Variants in PPP1R9A observed in about 807,000 individuals in gnomAD.
The protein encoded by PPP1R9A is protein phosphatase 1 regulatory subunit 9A.
A neutral mutation model predicts 141.9 loss-of-function variants in PPP1R9A; 59 were observed. That is an observed-to-expected ratio of 0.42 (90% CI 0.34 to 0.52). PPP1R9A has a LOEUF of 0.52. PPP1R9A is among the 20% of genes least tolerant of loss of function. The pLI, the probability that PPP1R9A is intolerant of heterozygous loss-of-function variation, is 0.10. For synonymous variants in PPP1R9A, 500 were observed against 569.7 expected (o/e 0.88, Z 1.74); for missense variants, 1,444 against 1,611.9 (o/e 0.90, Z 1.78).
intron 2 of PPP1R9A, among the ~76,000 whole-genome samples, chr7:95,092,346 C>CTT (rs113520728): frequency 0.32 from 44,393 of 139,408 alleles, 8,082 homozygotes; most frequent in Non-Finnish European, 0.43. Context: ...ATACTACACG[C>CTT]TTTTTTTTTT....
chr7:95,259,181 G>A (rs1440627201), intron 12 of PPP1R9A, among the ~76,000 whole-genome samples: 1 of 151,954 alleles, frequency 6.6e-6, no homozygotes, highest in Non-Finnish European at 1.5e-5. Context: ...ATAAATTTAT[G>A]GAATAACTAG....
At chr7:95,045,804 G>A (rs574217443) in intron 2 of PPP1R9A, among the ~76,000 whole-genome samples, 1 of 152,044 alleles carries the variant, frequency 6.6e-6, no homozygotes, top group Non-Finnish European at 1.5e-5. Context: ...ATTTCTAGTA[G>A]GCGAGGGGAG....
In PPP1R9A at chr7:95,175,256, TTGGA is replaced by T. The variant is rs61519780; in HGVS notation, c.1754+13324_1754+13327del. ...TATCATAGTACGGATCAATAACTAG[TTGGA>T]TGGATGGATGGATGGATGGATGGAT... On this transcript the variant is annotated intron_variant, in intron 5 of 19. Coordinates refer to ENST00000433360, the MANE Select transcript of PPP1R9A (RefSeq NM_001166160.2). Among the ~76,000 whole-genome samples, 522 of 146,706 alleles carry T rather than the reference TTGGA, an allele frequency of 3.6e-3. 1 individual carries two copies. Among genetic ancestry groups the T allele is most frequent in the African/African-American group, 0.011 (458 of 39,858 alleles).
intron 18 of PPP1R9A, chr7:95,287,249 G>A (rs1311578116): frequency 1.5e-6 from 2 of 1,298,822 alleles, no homozygotes; most frequent in Non-Finnish European, 2.2e-6. Context: ...CCTCTGTAGT[G>A]AAGGGTTTCC....
At chr7:95,145,656 C>G (rs1827475717) in intron 4 of PPP1R9A, among the ~76,000 whole-genome samples, 1 of 152,156 alleles carries the variant, frequency 6.6e-6, no homozygotes, top group South Asian at 2.1e-4. Context: ...CACCTGTAAT[C>G]TCACTGCTGT....
chr7:95,006,288 G>C (rs1040191728), intron 2 of PPP1R9A, among the ~76,000 whole-genome samples: 1 of 151,662 alleles, frequency 6.6e-6, no homozygotes, highest in Non-Finnish European at 1.5e-5. Context: ...CACAATCTCC[G>C]CTCACTATAA....
At position 95,068,070 on chromosome 7, in the gene PPP1R9A, A is replaced by G. The variant is rs535989826; in HGVS notation, c.1396-43189A>G. 4.0e-5 allele frequency among the ~76,000 whole-genome samples: 6 copies of G among 151,500 alleles called. No homozygotes were observed. The East Asian group carries it at 1.2e-3, about 30-fold the overall frequency. On this transcript the variant is annotated intron_variant, in intron 2 of 19. Coordinates refer to ENST00000433360, the MANE Select transcript of PPP1R9A (RefSeq NM_001166160.2). ...GCTAAAGGAACAAAAACAAACAACC[A>G]AAAAAAAACTGGATATGTGGCCTAG... is the stretch of plus-strand genomic sequence containing the variant.
At chr7:94,924,161 G>A (rs1325327995) in intron 2 of PPP1R9A, among the ~76,000 whole-genome samples, 1 of 152,142 alleles carries the variant, frequency 6.6e-6, no homozygotes, top group Non-Finnish European at 1.5e-5. Context: ...ACTGGAAAAA[G>A]AAAATTGGAG....
At chr7:95,007,800 G>C (rs964128160) in intron 2 of PPP1R9A, among the ~76,000 whole-genome samples, 3 of 152,094 alleles carry the variant, frequency 2.0e-5, no homozygotes, top group African/African-American at 7.2e-5. Context: ...TGTCAGGCGT[G>C]GTGGCTCACG....
chr7:95,213,320 C>CT (rs548473436), intron 7 of PPP1R9A, among the ~76,000 whole-genome samples: 19,311 of 129,114 alleles, frequency 0.15, 1,721 homozygotes, highest in African/African-American at 0.22. Flanking sequence ...CTTTCTCTTT[C>CT]TTTTTTTTTT....
At chr7:95,241,609 A>G (rs936440366) in intron 8 of PPP1R9A, among the ~76,000 whole-genome samples, 1 of 152,144 alleles carries the variant, frequency 6.6e-6, no homozygotes, top group East Asian at 1.9e-4. Context: ...GGTACCATTT[A>G]AAGTGACTGT....
intron 2 of PPP1R9A, among the ~76,000 whole-genome samples, chr7:95,023,902 C>T (rs1181705955): frequency 6.6e-6 from 1 of 152,136 alleles, no homozygotes; most frequent in African/African-American, 2.4e-5. Context: ...TAGATCTTTC[C>T]TGCTTTCTCT....
intron 7 of PPP1R9A, among the ~76,000 whole-genome samples, chr7:95,222,555 C>T (rs1486105598): frequency 6.6e-6 from 1 of 151,900 alleles, no homozygotes; most frequent in Non-Finnish European, 1.5e-5. Context: ...TAGGTAAAGA[C>T]ATGAAAGGGA....
chr7:94,912,205 A>G (rs1791530870), intron 2 of PPP1R9A, among the ~76,000 whole-genome samples: 1 of 152,354 alleles, frequency 6.6e-6, no homozygotes, highest in African/African-American at 2.4e-5. Flanking sequence ...TTACCTCTTA[A>G]AAACTGGATA....
intron 2 of PPP1R9A, among the ~76,000 whole-genome samples, chr7:94,947,361 C>A (rs2150998561): frequency 6.6e-6 from 1 of 152,282 alleles, no homozygotes; most frequent in South Asian, 2.1e-4. Flanking sequence ...TCATCCCTAG[C>A]TTCTGTTGAA....
At chr7:95,066,158 T>C (rs1812911025) in intron 2 of PPP1R9A, among the ~76,000 whole-genome samples, 1 of 152,156 alleles carries the variant, frequency 6.6e-6, no homozygotes. Flanking sequence ...GGTGTCCTTA[T>C]AAGAATAGGA....
chr7:95,123,380 G>T (rs1461827796), intron 4 of PPP1R9A, among the ~76,000 whole-genome samples: 2 of 152,184 alleles, frequency 1.3e-5, no homozygotes, highest in East Asian at 3.9e-4. Flanking sequence ...CAGGCGAGGT[G>T]GCTTATGCCT....
In PPP1R9A at chr7:94,978,039, G is replaced by A. The variant is rs868051512; in HGVS notation, c.1395+66531G>A. Among the ~76,000 whole-genome samples the A allele has an allele frequency of 1.4e-4, 22 of 152,284 alleles. 1 individual carries two copies. The highest frequency in any genetic ancestry group is 3.4e-3 in the Middle Eastern group (1 of 294). On this transcript the variant is annotated intron_variant, in intron 2 of 19. Transcript: ENST00000433360. ...GCCTCCCAAAGTGCTGGGATTACAGGCGTGAGCCACCATGCCCGGCCCATC... is the reference window on the plus strand; with the variant it reads ...GCCTCCCAAAGTGCTGGGATTACAGACGTGAGCCACCATGCCCGGCCCATC...
At chr7:94,967,129 G>T (rs1000813038) in intron 2 of PPP1R9A, among the ~76,000 whole-genome samples, 5 of 152,082 alleles carry the variant, frequency 3.3e-5, no homozygotes, top group Admixed American at 1.3e-4. Flanking sequence ...TTCTCTGATG[G>T]TAGTTTGTAT....
Sources: allele counts gnomAD v4.1 joint callset (sites outside exome capture counted in the v4.1 genomes callset), GRCh38; gene constraint gnomAD v4.1.1; transcripts MANE v1.5; gene names NCBI Gene and HGNC (gene_info 2026-07-23, HGNC 2026-07-21).